The following GRM7 variants were observed in gnomAD, a reference collection of about 807,000 sequenced individuals.
GRM7 encodes glutamate metabotropic receptor 7.
GRM7 carries 35 observed loss-of-function variants against 84.5 expected under a neutral mutation model. The observed-to-expected ratio is 0.41, with a 90% CI of 0.32 to 0.55. GRM7 has a LOEUF of 0.55. Among genes scored for constraint, GRM7 ranks in the 20% least tolerant of loss-of-function variants. The pLI, the probability that GRM7 is intolerant of heterozygous loss-of-function variation, is 0.19. For missense variants in GRM7, 1,003 were observed against 1,194.6 expected (o/e 0.84, Z 2.36); for synonymous variants, 487 against 455.1 (o/e 1.07, Z -0.89).
chr3:7,196,531 T>G (rs1185576997), intron 2 of GRM7, among the ~76,000 whole-genome samples: 1 of 152,028 alleles, frequency 6.6e-6, no homozygotes, highest in African/African-American at 2.4e-5. Flanking sequence ...AAACACAAAT[T>G]TCTGTTTCCT....
At chr3:7,260,807 G>GAT (rs2124957786) in intron 2 of GRM7, among the ~76,000 whole-genome samples, 1 of 151,982 alleles carries the variant, frequency 6.6e-6, no homozygotes, top group African/African-American at 2.4e-5. Context: ...CAGTTGTAAT[G>GAT]ATAGGTTGCT....
At chr3:6,881,358 T>G (rs1695501363) in intron 1 of GRM7, among the ~76,000 whole-genome samples, 1 of 152,186 alleles carries the variant, frequency 6.6e-6, no homozygotes. Context: ...GTTCTCATTG[T>G]TCAGCTCCCA....
intron 8 of GRM7, among the ~76,000 whole-genome samples, chr3:7,654,350 C>G (rs1699086699): frequency 6.6e-6 from 1 of 152,114 alleles, no homozygotes; most frequent in Admixed American, 6.5e-5. Flanking sequence ...ACTCCCACTT[C>G]TGTTGGGTGA....
intron 1 of GRM7, among the ~76,000 whole-genome samples, chr3:6,932,373 TTGCAAAGGTC>T (rs1286671710): frequency 6.6e-6 from 1 of 152,186 alleles, no homozygotes; most frequent in Non-Finnish European, 1.5e-5. Context: ...TTTTGTCCAT[TTGCAAAGGTC>T]AGTGGGGGTT....
At chr3:7,646,279 C>T (rs543389209) in intron 8 of GRM7, among the ~76,000 whole-genome samples, 11 of 152,106 alleles carry the variant, frequency 7.2e-5, no homozygotes, top group Non-Finnish European at 1.2e-4. Context: ...GCAGCCTCTG[C>T]CTCCCAGGTT....
intron 2 of GRM7, among the ~76,000 whole-genome samples, chr3:7,217,009 G>A (rs1459535445): frequency 2.6e-5 from 4 of 152,232 alleles, no homozygotes; most frequent in African/African-American, 7.2e-5. Context: ...TCATCCCAAC[G>A]AAATCGTTTT....
intron 1 of GRM7, among the ~76,000 whole-genome samples, chr3:7,129,694 A>G (rs1693526750): frequency 6.6e-6 from 1 of 152,190 alleles, no homozygotes. Flanking sequence ...ACTATGAACA[A>G]CACTGAGAAT....
At chr3:7,588,309 G>GCCACC (rs1695617505) in intron 8 of GRM7, among the ~76,000 whole-genome samples, 1 of 152,156 alleles carries the variant, frequency 6.6e-6, no homozygotes, top group Non-Finnish European at 1.5e-5. Context: ...CAGGGCACAT[G>GCCACC]CCACCTGCTG....
At chr3:7,456,393 C>A (rs1187949356) in intron 6 of GRM7, among the ~76,000 whole-genome samples, 1 of 151,152 alleles carries the variant, frequency 6.6e-6, no homozygotes, top group East Asian at 1.9e-4. Context: ...ACATTTTATG[C>A]ATTGGCTTAT....
chr3:7,388,368 G>C (rs1694866333), intron 4 of GRM7, among the ~76,000 whole-genome samples: 1 of 151,972 alleles, frequency 6.6e-6, no homozygotes. Context: ...GGATTTTTGG[G>C]TTTATGTTCA....
chr3:7,672,772 T>C (rs1699973454), intron 8 of GRM7, among the ~76,000 whole-genome samples: 1 of 151,450 alleles, frequency 6.6e-6, no homozygotes, highest in African/African-American at 2.4e-5. Flanking sequence ...GCCCGGCTAA[T>C]TTTTTTTGTA....
At chr3:7,362,282 AT>A (rs1347326070) in intron 4 of GRM7, among the ~76,000 whole-genome samples, 3 of 152,076 alleles carry the variant, frequency 2.0e-5, no homozygotes, top group Admixed American at 6.6e-5. Context: ...TAGTGTGAAC[AT>A]TTTGAAACAC....
At chr3:6,946,586 A>G (rs571598451) in intron 1 of GRM7, among the ~76,000 whole-genome samples, 14 of 152,240 alleles carry the variant, frequency 9.2e-5, no homozygotes, top group African/African-American at 3.4e-4. Flanking sequence ...GTTTTTTCCA[A>G]TTCTGTGAAG....
chr3:7,388,751 C>G (rs887097602), intron 4 of GRM7, among the ~76,000 whole-genome samples: 5 of 151,760 alleles, frequency 3.3e-5, no homozygotes, highest in Non-Finnish European at 5.9e-5. Flanking sequence ...CTCTGAAGAC[C>G]TTTTATATTT....
In GRM7 at chr3:6,941,108, C is replaced by A. The variant is rs1447230401; in HGVS notation, c.519+79201C>A. Among the ~76,000 whole-genome samples, 3 of 152,194 alleles carry A rather than the reference C, an allele frequency of 2.0e-5. No homozygotes were observed. The East Asian group carries it at 5.8e-4, about 29-fold the overall frequency. ...GCTACTCATGGCTGGACGTCAATAG[C>A]TCCAGCATTCCAGGTAAACTAGCCT... On this transcript the variant is annotated intron_variant, in intron 1 of 9. Coordinates refer to ENST00000357716, the MANE Select transcript of GRM7 (RefSeq NM_000844.4).
chr3:7,278,352 C>T (rs2124990839), intron 2 of GRM7, among the ~76,000 whole-genome samples: 1 of 152,082 alleles, frequency 6.6e-6, no homozygotes, highest in South Asian at 2.1e-4. Context: ...ACTCTAGAAT[C>T]TGTTTCATTT....
At chr3:7,247,474 C>T (rs192412939) in intron 2 of GRM7, among the ~76,000 whole-genome samples, 291 of 151,774 alleles carry the variant, frequency 1.9e-3, no homozygotes, top group African/African-American at 6.8e-3. Flanking sequence ...CGGCTCACAC[C>T]TGTAGTCCTA....
chr3:7,441,882 C>T (rs986003164), intron 5 of GRM7, among the ~76,000 whole-genome samples: 6 of 151,970 alleles, frequency 3.9e-5, no homozygotes, highest in African/African-American at 1.2e-4. Context: ...TTACTGTAGC[C>T]TTATAGTATA....
At chr3:6,913,840 A>C (rs1019330466) in intron 1 of GRM7, among the ~76,000 whole-genome samples, 4 of 152,196 alleles carry the variant, frequency 2.6e-5, no homozygotes, top group African/African-American at 7.2e-5. Flanking sequence ...GATAGAGTTC[A>C]TAACTTTGAC....
Sources: gnomAD v4.1 joint callset for allele counts (sites outside exome capture counted in the v4.1 genomes callset) on GRCh38, gnomAD v4.1.1 for gene constraint, MANE v1.5 for transcripts, NCBI Gene and HGNC (gene_info 2026-07-23, HGNC 2026-07-21) for gene names.